The following KIAA0319 variants were observed in gnomAD, a reference collection of about 807,000 sequenced individuals.
The protein encoded by KIAA0319 is dyslexia-associated protein KIAA0319.
Under a neutral mutation model 108.4 loss-of-function variants are expected in KIAA0319, and 83 were observed. That is an observed-to-expected ratio of 0.77 (90% CI 0.64 to 0.92). The LOEUF is 0.92. Among genes scored for constraint, KIAA0319 ranks in the 40% least tolerant of loss-of-function variants. The pLI is 0.00. For synonymous variants in KIAA0319, 484 were observed against 510.4 expected (o/e 0.95, Z 0.70); for missense variants, 1,195 against 1,322.4 (o/e 0.90, Z 1.49).
chr6:24,595,239 C>G (rs1033093142), intron 3 of KIAA0319, among the ~76,000 whole-genome samples: 1 of 152,096 alleles, frequency 6.6e-6, no homozygotes, highest in Non-Finnish European at 1.5e-5. Context: ...TATACCATCT[C>G]CCGTTGCCTT....
chr6:24,570,548 A>G (rs1293799545), intron 11 of KIAA0319, among the ~76,000 whole-genome samples: 1 of 151,134 alleles, frequency 6.6e-6, no homozygotes, highest in Non-Finnish European at 1.5e-5. Context: ...AGATTGTGCC[A>G]CTGCACTCCA....
At position 24,554,780 on chromosome 6, in the gene KIAA0319, A is replaced by C. The variant is rs78287222; in HGVS notation, c.2858-149T>G. 124 of 619,130 alleles carry C rather than the reference A, an allele frequency of 2.0e-4. No homozygotes were observed. In the East Asian group the frequency reaches 3.1e-3, roughly 16 times the overall value. The allele number at this position is 619,130 out of a possible 1,614,324, so 38.4% of individuals were successfully genotyped here. The stretch of plus-strand genomic sequence containing the variant: ...CATCAGACTGGTAGCAGAGCAGAGC[A>C]AGGTAAAATACAGATAAATCAAGAA... On this transcript the variant is annotated intron_variant, in intron 18 of 20. Coordinates refer to ENST00000378214, the MANE Select transcript of KIAA0319 (RefSeq NM_014809.4).
At chr6:24,590,761 C>G (rs192737142) in intron 3 of KIAA0319, among the ~76,000 whole-genome samples, 3 of 152,334 alleles carry the variant, frequency 2.0e-5, no homozygotes, top group Admixed American at 6.5e-5. Context: ...AAAACATTCA[C>G]TTTTCCACCA....
At position 24,626,486 on chromosome 6, in the gene KIAA0319, C is replaced by T. The variant is rs993793211; in HGVS notation, c.-106+19250G>A. On this transcript the variant is annotated intron_variant, in intron 1 of 20. Coordinates refer to ENST00000378214, the MANE Select transcript of KIAA0319 (RefSeq NM_014809.4). ...GGTGAAGGTTGCAGTGAGCAGAGAT[C>T]GTGCCACTGCACTCCAGCCTGGGCA... is the stretch of plus-strand genomic sequence containing the variant. 2.0e-5 allele frequency among the ~76,000 whole-genome samples: 3 copies of T among 152,134 alleles called. No individual in the cohort carries two copies. The East Asian group carries it at 5.8e-4, about 29-fold the overall frequency.
At chr6:24,559,910 A>G (rs922205437) in intron 16 of KIAA0319, among the ~76,000 whole-genome samples, 5 of 152,140 alleles carry the variant, frequency 3.3e-5, no homozygotes, top group East Asian at 1.9e-4. Context: ...TTTGGTCTCT[A>G]TGGATTTGCC....
rs146921103 is a variant in KIAA0319, at chr6:24,554,616, T to C, written c.2873A>G (p.Tyr958Cys). The change falls in exon 19 of 21, where the codon TAT becomes TGT. Residue 958 changes from tyrosine (Y) to cysteine (C), a missense_variant. Transcript: ENST00000378214. Reference protein sequence around the residue: ...GESNCEWSIFYVTVLAFTLIV... With the variant: ...GESNCEWSIFCVTVLAFTLIV... Reference sequence around the variant, plus strand: ...AAGAGTAAAAGCCAACACTGTCACATAGAATATACTCCACTCTGAAACACA... The same window carrying C: ...AAGAGTAAAAGCCAACACTGTCACACAGAATATACTCCACTCTGAAACACA... The C allele has an allele frequency of 1.3e-5, 21 of 1,613,096 alleles. No individual in the cohort carries two copies. In the African/African-American group the frequency reaches 2.3e-4, roughly 17 times the overall value.
chr6:24,622,384 A>G (rs1451510391), intron 1 of KIAA0319, among the ~76,000 whole-genome samples: 1 of 151,864 alleles, frequency 6.6e-6, no homozygotes, highest in African/African-American at 2.4e-5. Flanking sequence ...AGATTAAAGG[A>G]ACAAAGAAAA....
chr6:24,571,962 T>G (rs1561961952), intron 11 of KIAA0319, among the ~76,000 whole-genome samples: 2 of 152,272 alleles, frequency 1.3e-5, no homozygotes, highest in Non-Finnish European at 2.9e-5. Context: ...ATCAAGTCTA[T>G]CTTGTTTAAT....
rs143489283 is a variant in KIAA0319 at position 24,574,025 on chromosome 6, G to T, written c.1735-1327C>A. Reference sequence around the variant, plus strand: ...AGCTACTCAGGAGGCTGAGACAGAAGAATCACTTGAACTCAGGGGGTGGAG... The same window carrying T: ...AGCTACTCAGGAGGCTGAGACAGAATAATCACTTGAACTCAGGGGGTGGAG... On this transcript the variant is annotated intron_variant, in intron 10 of 20. Transcript: ENST00000378214. Among the ~76,000 whole-genome samples, 981 of 152,260 alleles carry T rather than the reference G, an allele frequency of 6.4e-3. 8 individuals carry two copies. Among genetic ancestry groups the T allele is most frequent in the Non-Finnish European group, 0.011 (764 of 68,006 alleles).
At chr6:24,556,518 G>A in intron 18 of KIAA0319, 89 bp downstream of exon 18, 1 of 1,444,170 alleles carries the variant, frequency 6.9e-7, no homozygotes, top group Non-Finnish European at 9.4e-7. Flanking sequence ...GCCCAGGTTG[G>A]CCTCGAATAT....
At chr6:24,595,198 C>T (rs1184494061) in intron 3 of KIAA0319, among the ~76,000 whole-genome samples, 1 of 152,122 alleles carries the variant, frequency 6.6e-6, no homozygotes, top group Non-Finnish European at 1.5e-5. Context: ...TTTCAAAGCC[C>T]CTGGGTGTAT....
At chr6:24,583,319 G>A (rs1016641119) in intron 5 of KIAA0319, 18 of 865,378 alleles carry the variant, frequency 2.1e-5, no homozygotes, top group Admixed American at 1.5e-4. Context: ...GAACTGGTAC[G>A]TGGCAGCCTC....
chr6:24,577,281 GC>G lies in KIAA0319; in HGVS notation c.1506-686del, dbSNP rs769908109. On this transcript the variant is annotated intron_variant, in intron 9 of 20. Coordinates refer to ENST00000378214, the MANE Select transcript of KIAA0319 (RefSeq NM_014809.4). ...TAAGTTCTGCCTGCAGGTTGAGCAT[GC>G]AGAGACAGCAAATCACTCCTGAATT... is the stretch of plus-strand genomic sequence containing the variant. Among the ~76,000 whole-genome samples, 9 of 152,312 alleles carry G rather than the reference GC, an allele frequency of 5.9e-5. No homozygotes were observed. In the South Asian group the frequency reaches 1.9e-3, roughly 32 times the overall value.
At chr6:24,630,679 A>ATG (rs200264866) in intron 1 of KIAA0319, among the ~76,000 whole-genome samples, 2 of 119,560 alleles carry the variant, frequency 1.7e-5, no homozygotes, top group African/African-American at 4.0e-5. Flanking sequence ...TTGTGTGTAT[A>ATG]TGTGTATATA....
rs1424769380 is a variant in KIAA0319, at chr6:24,596,746, A to G, written c.56-128T>C. On this transcript the variant is annotated intron_variant, in intron 2 of 20. Transcript: ENST00000378214. ...TCTGGCAAGCAAATAAACAATCAGCATTTCACACAGAAAGATCACAGCAAT... is the reference window on the plus strand; with the variant it reads ...TCTGGCAAGCAAATAAACAATCAGCGTTTCACACAGAAAGATCACAGCAAT... The G allele has an allele frequency of 1.9e-5, 15 of 779,728 alleles. No homozygotes were observed. In the East Asian group the frequency reaches 3.1e-4, roughly 16 times the overall value. The allele number at this position is 779,728 out of a possible 1,614,324, so 48.3% of individuals were successfully genotyped here. A position where few individuals can be genotyped will look rare whatever the true frequency, so the allele number is the denominator to read the frequency against.
downstream of KIAA0319, among the ~76,000 whole-genome samples, chr6:24,543,092 G>A (rs1008795188): frequency 2.6e-5 from 4 of 152,142 alleles, no homozygotes; most frequent in Non-Finnish European, 4.4e-5. Flanking sequence ...AACTGTTCAC[G>A]GCAATAAAGT....
intron 16 of KIAA0319, among the ~76,000 whole-genome samples, chr6:24,561,465 T>G (rs1015226749): frequency 1.2e-4 from 19 of 152,238 alleles, no homozygotes; most frequent in African/African-American, 3.6e-4. Flanking sequence ...TTGTAATTTA[T>G]GTCTGTTTAG....
intron 2 of KIAA0319, among the ~76,000 whole-genome samples, chr6:24,597,263 G>C (rs1769796025): frequency 6.6e-6 from 1 of 152,152 alleles, no homozygotes; most frequent in Non-Finnish European, 1.5e-5. Flanking sequence ...ATCGTTAATT[G>C]ATTTTAAGTC....
At chr6:24,645,664 G>A (rs1045352716) in intron 1 of KIAA0319, 72 bp downstream of exon 1, 3 of 152,134 alleles carry the variant, frequency 2.0e-5, no homozygotes, top group African/African-American at 7.3e-5. Flanking sequence ...ACTTTTGTTG[G>A]GTATTGGCCT....
Sources: allele counts gnomAD v4.1 joint callset (sites outside exome capture counted in the v4.1 genomes callset), GRCh38; gene constraint gnomAD v4.1.1; transcripts MANE v1.5; gene names NCBI Gene and HGNC (gene_info 2026-07-23, HGNC 2026-07-21).